SV2C: variants seen among roughly 807,000 people sequenced by gnomAD.
The protein encoded by SV2C is synaptic vesicle glycoprotein 2C.
SV2C carries 49 observed loss-of-function variants against 79.7 expected under a neutral mutation model. The ratio of observed to expected loss-of-function variants is 0.61; its 90% CI spans 0.49 to 0.78. The LOEUF (loss-of-function observed/expected upper bound fraction) is 0.78, where lower values mean the gene tolerates loss of function less well. SV2C is among the 30% of genes least tolerant of loss of function. The probability of loss-of-function intolerance (pLI) is 0.00; values close to 1 mark genes in which losing one functional copy is unlikely to be tolerated. For synonymous variants in SV2C, 334 were observed against 333.2 expected, an observed-to-expected ratio of 1.00 and a Z score of -0.03; for missense variants, 833 against 912.9, an observed-to-expected ratio of 0.91 and a Z score of 1.13.
the SV2C span, among the ~76,000 whole-genome samples, chr5:75,883,901 A>T: frequency 6.6e-6 from 1 of 152,060 alleles, no homozygotes; most frequent in Non-Finnish European, 1.5e-5. Flanking sequence ...TTATCCTGTT[A>T]ACTGGGAAAT....
At chr5:76,154,211 C>T (rs1456332742) in intron 2 of SV2C, among the ~76,000 whole-genome samples, 1 of 152,186 alleles carries the variant, frequency 6.6e-6, no homozygotes, top group Non-Finnish European at 1.5e-5. Context: ...TGCCCTGTTC[C>T]CTCCTTTTTC....
chr5:76,060,748 T>C, the SV2C span, among the ~76,000 whole-genome samples: 11 of 152,092 alleles, frequency 7.2e-5, no homozygotes, highest in Non-Finnish European at 1.6e-4. Context: ...TTCAATAACT[T>C]TTCCTTTGCA....
At chr5:76,053,456 G>A in the SV2C span, among the ~76,000 whole-genome samples, 1 of 152,264 alleles carries the variant, frequency 6.6e-6, no homozygotes, top group Non-Finnish European at 1.5e-5. Context: ...GGGAGAAAGC[G>A]AATTGATTAA....
intron 4 of SV2C, among the ~76,000 whole-genome samples, chr5:76,211,771 T>A (rs926787269): frequency 2.0e-5 from 3 of 152,232 alleles, no homozygotes; most frequent in African/African-American, 7.2e-5. Context: ...AGTATTTAGA[T>A]GTCTTTAACT....
intron 4 of SV2C, among the ~76,000 whole-genome samples, chr5:76,273,170 T>TATATATATATATATATATATAC (rs144534109): frequency 8.2e-6 from 1 of 121,996 alleles, no homozygotes; most frequent in African/African-American, 3.1e-5. Flanking sequence ...TATATATATA[T>TATATATATATATATATATATAC]ACACACATAT....
chr5:76,330,787 T>A lies in SV2C; in HGVS notation c.*5240T>A, dbSNP rs1749157476. On this transcript the variant is annotated 3_prime_UTR_variant, in exon 13 of 13. Transcript: ENST00000502798. The stretch of plus-strand genomic sequence containing the variant: ...AAATAATCTCAGCAGGATATTGCAC[T>A]AAGATATTATTCAAGGAAAAGAATC... 7.3e-6 allele frequency: 1 copy of A among 137,082 alleles called. No homozygotes were observed. Among genetic ancestry groups the A allele is most frequent in the Non-Finnish European group, 1.5e-5 (1 of 65,732 alleles). The allele number at this position is 137,082 out of a possible 1,614,324, so 8.5% of individuals were successfully genotyped here.
chr5:76,278,879 G>C (rs1199026169), intron 4 of SV2C, among the ~76,000 whole-genome samples: 1 of 152,250 alleles, frequency 6.6e-6, no homozygotes, highest in Non-Finnish European at 1.5e-5. Flanking sequence ...TATAGGAAGA[G>C]TGGACTATGG....
chr5:76,093,982 A>T (rs978994733), intron 1 of SV2C, among the ~76,000 whole-genome samples: 2 of 152,134 alleles, frequency 1.3e-5, no homozygotes, highest in African/African-American at 4.8e-5. Flanking sequence ...ATGCAGTAGC[A>T]CACACCTGTA....
At chr5:75,995,555 G>A in the SV2C span, among the ~76,000 whole-genome samples, 2 of 152,026 alleles carry the variant, frequency 1.3e-5, no homozygotes, top group Admixed American at 6.6e-5. Flanking sequence ...CAAATAATTC[G>A]AAACAAAATA....
chr5:76,191,184 G>A (rs4704294), intron 2 of SV2C, among the ~76,000 whole-genome samples: 24,706 of 149,666 alleles, frequency 0.17, 2,070 homozygotes, highest in African/African-American at 0.26. Context: ...AGAGAAGAGG[G>A]AGGTGCTACA....
the SV2C span, among the ~76,000 whole-genome samples, chr5:76,029,433 A>C: frequency 0.2 from 30,342 of 152,122 alleles, 3,433 homozygotes; most frequent in East Asian, 0.49. Flanking sequence ...ACAGATTCTC[A>C]ATCCCACTCC....
At chr5:76,173,957 T>G (rs1743424976) in intron 2 of SV2C, 1 of 1,565,526 alleles carries the variant, frequency 6.4e-7, no homozygotes, top group Non-Finnish European at 8.8e-7. Context: ...TGCAAACCCT[T>G]GTCCATTTTT....
chr5:76,007,294 T>G, the SV2C span, among the ~76,000 whole-genome samples: 1 of 151,810 alleles, frequency 6.6e-6, no homozygotes, highest in East Asian at 2.0e-4. Flanking sequence ...ACACAAACAA[T>G]GAAAACATAA....
the SV2C span, among the ~76,000 whole-genome samples, chr5:75,947,217 C>T: frequency 3.3e-5 from 5 of 151,992 alleles, no homozygotes; most frequent in African/African-American, 9.7e-5. Context: ...GGAGTTGTGT[C>T]TTGATTCAAT....
the SV2C span, among the ~76,000 whole-genome samples, chr5:75,856,992 T>C: frequency 3.3e-4 from 49 of 148,570 alleles, 1 homozygote; most frequent in Admixed American, 3.3e-3. Context: ...AGTCTCGCTC[T>C]GTCACCCAGG....
intron 4 of SV2C, among the ~76,000 whole-genome samples, chr5:76,276,498 T>C (rs1747025618): frequency 6.6e-6 from 1 of 152,156 alleles, no homozygotes; most frequent in Non-Finnish European, 1.5e-5. Context: ...TGGCTAACTT[T>C]TGTATTTCTT....
At chr5:76,127,732 A>G (rs923127569) in intron 1 of SV2C, among the ~76,000 whole-genome samples, 39 of 152,190 alleles carry the variant, frequency 2.6e-4, no homozygotes, top group Admixed American at 2.4e-3. Context: ...TGCGGAGAAC[A>G]GGAAGCTCCT....
chr5:76,030,289 T>TTTTTTTTATTTATTTATTTATTTATTTA, the SV2C span, among the ~76,000 whole-genome samples: 1 of 117,874 alleles, frequency 8.5e-6, no homozygotes, highest in African/African-American at 3.9e-5. Flanking sequence ...TTTTTTTTTT[T>TTTTTTTTATTTATTTATTTATTTATTTA]TTTATTTATT....
chr5:75,928,626 T>A, the SV2C span, among the ~76,000 whole-genome samples: 1 of 152,158 alleles, frequency 6.6e-6, no homozygotes. Context: ...CCCAAAATGA[T>A]TACAATCCCC....
Sources: gnomAD v4.1 joint callset for allele counts (sites outside exome capture counted in the v4.1 genomes callset) on GRCh38, gnomAD v4.1.1 for gene constraint, MANE v1.5 for transcripts, NCBI Gene and HGNC (gene_info 2026-07-23, HGNC 2026-07-21) for gene names.